The following PLAAT3 variants were observed in gnomAD, a reference collection of about 807,000 sequenced individuals.
The protein encoded by PLAAT3 is phospholipase A and acyltransferase 3, also known as Ca-independent phospholipase A1/2.
PLAAT3 carries 21 observed loss-of-function variants against 16.7 expected under a neutral mutation model. The observed-to-expected ratio is 1.26, with a 90% confidence interval of 0.89 to 1.81. The LOEUF is 1.81. Among genes scored for constraint, PLAAT3 ranks in the 40% most tolerant of loss-of-function variants. The pLI, the probability that PLAAT3 is intolerant of heterozygous loss-of-function variation, is 0.00. For missense variants in PLAAT3, 219 were observed against 213.7 expected, an observed-to-expected ratio of 1.02 and a Z score of -0.16; for synonymous variants, 76 against 81.7, an observed-to-expected ratio of 0.93 and a Z score of 0.38.
intron 4 of PLAAT3, 53 bp from the exon 5 acceptor site, chr11:63,575,099 G>T: frequency 3.3e-6 from 4 of 1,228,556 alleles, no homozygotes; most frequent in Non-Finnish European, 4.8e-6. Context: ...CAGAGTACAG[G>T]CTGCACATTC....
At chr11:63,612,791 A>G (rs1938725250) in intron 2 of PLAAT3, among the ~76,000 whole-genome samples, 1 of 151,910 alleles carries the variant, frequency 6.6e-6, no homozygotes, top group South Asian at 2.1e-4. Flanking sequence ...TTCATTTTTA[A>G]TTTTTTTACT....
At chr11:63,609,400 A>G (rs1042193758) in intron 2 of PLAAT3, among the ~76,000 whole-genome samples, 7 of 152,228 alleles carry the variant, frequency 4.6e-5, no homozygotes, top group South Asian at 2.1e-4. Context: ...GGGGGCCTCA[A>G]CTGAGCCCCT....
At chr11:63,593,181 T>C (rs892083380) in intron 3 of PLAAT3, among the ~76,000 whole-genome samples, 1 of 152,218 alleles carries the variant, frequency 6.6e-6, no homozygotes, top group Non-Finnish European at 1.5e-5. Context: ...ATTCCCATGC[T>C]ACTGAGAAGA....
intron 4 of PLAAT3, among the ~76,000 whole-genome samples, chr11:63,589,838 G>A (rs1163691027): frequency 6.6e-6 from 1 of 152,136 alleles, no homozygotes; most frequent in Non-Finnish European, 1.5e-5. Flanking sequence ...GCCAGGGAGG[G>A]CTTGGCAATG....
chr11:63,587,820 G>C (rs1337792738), intron 4 of PLAAT3, among the ~76,000 whole-genome samples: 1 of 152,172 alleles, frequency 6.6e-6, no homozygotes, highest in African/African-American at 2.4e-5. Flanking sequence ...GTGAACTACA[G>C]AGGATAAAAG....
intron 2 of PLAAT3, among the ~76,000 whole-genome samples, chr11:63,602,016 A>T (rs1333529334): frequency 2.7e-5 from 4 of 150,300 alleles, no homozygotes; most frequent in Non-Finnish European, 5.9e-5. Context: ...GGCCAGGCAC[A>T]GTGGCTCATA....
At chr11:63,612,286 A>C (rs573883549) in intron 2 of PLAAT3, among the ~76,000 whole-genome samples, 13 of 152,358 alleles carry the variant, frequency 8.5e-5, no homozygotes, top group African/African-American at 2.9e-4. Flanking sequence ...TGCTGGAATT[A>C]CAGTAATGAA....
chr11:63,612,181 GTTGTT>G (rs1333565309), intron 2 of PLAAT3, among the ~76,000 whole-genome samples: 3 of 152,086 alleles, frequency 2.0e-5, no homozygotes, highest in Non-Finnish European at 4.4e-5. Flanking sequence ...AGATTTTGTT[GTTGTT>G]TTGTTTTTAG....
At chr11:63,596,749 C>A (rs2134416355) in intron 3 of PLAAT3, among the ~76,000 whole-genome samples, 1 of 152,112 alleles carries the variant, frequency 6.6e-6, no homozygotes, top group Admixed American at 6.6e-5. Flanking sequence ...AGCGAGATTT[C>A]CCTCATGCTG....
upstream of PLAAT3, among the ~76,000 whole-genome samples, chr11:63,615,338 G>A (rs1387386325): frequency 3.6e-4 from 10 of 27,866 alleles, 4 homozygotes; most frequent in Non-Finnish European, 8.6e-4. Context: ...ATATATGTGT[G>A]TATATATGTG....
At chr11:63,580,551 G>T (rs995028691) in intron 4 of PLAAT3, among the ~76,000 whole-genome samples, 7 of 152,212 alleles carry the variant, frequency 4.6e-5, no homozygotes, top group African/African-American at 1.7e-4. Flanking sequence ...CTACTTGGGA[G>T]GCTGAGGCAG....
At chr11:63,583,228 T>C (rs767859934) in intron 4 of PLAAT3, among the ~76,000 whole-genome samples, 2 of 152,192 alleles carry the variant, frequency 1.3e-5, no homozygotes, top group Non-Finnish European at 2.9e-5. Context: ...CTTTAAATGC[T>C]CCTCTAAAAG....
At chr11:63,576,285 C>CT (rs983217389) in intron 4 of PLAAT3, among the ~76,000 whole-genome samples, 3 of 151,432 alleles carry the variant, frequency 2.0e-5, no homozygotes, top group Non-Finnish European at 3.0e-5. Flanking sequence ...CAAACCCCCA[C>CT]TTTTTTTTTG....
intron 2 of PLAAT3, among the ~76,000 whole-genome samples, chr11:63,613,725 G>GC (rs10658158): frequency 2.6e-5 from 4 of 152,080 alleles, no homozygotes; most frequent in Non-Finnish European, 2.9e-5. Context: ...GGACAGACCT[G>GC]CCCTGGCCAC....
intron 2 of PLAAT3, among the ~76,000 whole-genome samples, chr11:63,601,154 A>C (rs1938419141): frequency 6.8e-6 from 1 of 146,570 alleles, no homozygotes; most frequent in Admixed American, 6.9e-5. Context: ...TCCCGGGTTC[A>C]TGTCATTCTC....
At chr11:63,598,292 C>T (rs1590694361) in intron 2 of PLAAT3, 129 bp from the exon 3 acceptor site, 1 of 663,602 alleles carries the variant, frequency 1.5e-6, no homozygotes. Flanking sequence ...CTGAGCCCTG[C>T]TCTGCCAGGT....
In PLAAT3 at chr11:63,583,857, C is replaced by T. The variant is rs1018003566; in HGVS notation, c.387+6243G>A. Among the ~76,000 whole-genome samples, 4 of 152,174 alleles carry T rather than the reference C, an allele frequency of 2.6e-5. No homozygotes were observed. The East Asian group carries it at 7.7e-4, about 29-fold the overall frequency. The stretch of plus-strand genomic sequence containing the variant: ...GACTACAGACATTTAGACATTTATA[C>T]TACAAAGCTCTTCTGAGTTAAGCCT... On this transcript the variant is annotated intron_variant, in intron 4 of 4. Coordinates refer to ENST00000415826, the MANE Select transcript of PLAAT3 (RefSeq NM_001128203.2).
intron 2 of PLAAT3, among the ~76,000 whole-genome samples, chr11:63,606,309 G>A (rs1212571111): frequency 6.6e-6 from 1 of 152,092 alleles, no homozygotes; most frequent in Admixed American, 6.5e-5. Flanking sequence ...TTAGTAGGCC[G>A]GCGCGGTGGC....
At chr11:63,598,587 G>C (rs947070244) in intron 2 of PLAAT3, 1 of 411,650 alleles carries the variant, frequency 2.4e-6, no homozygotes, top group African/African-American at 2.1e-5. Flanking sequence ...AAAAGAATTT[G>C]TGCAAAGACA....
Sources: gnomAD v4.1 joint callset for allele counts (sites outside exome capture counted in the v4.1 genomes callset) on GRCh38, gnomAD v4.1.1 for gene constraint, MANE v1.5 for transcripts, NCBI Gene and HGNC (gene_info 2026-07-23, HGNC 2026-07-21) for gene names.